The following RAD52 variants were observed in gnomAD, a reference collection of about 807,000 sequenced individuals.
RAD52 encodes DNA repair protein RAD52 homolog.
A neutral mutation model predicts 55.5 loss-of-function variants in RAD52; 47 were observed. The observed-to-expected ratio is 0.85, with a 90% confidence interval of 0.67 to 1.08. RAD52 has a LOEUF of 1.08. Ranked by LOEUF, RAD52 falls within the 50% of genes least tolerant of loss-of-function variation. The pLI, the probability that RAD52 is intolerant of heterozygous loss-of-function variation, is 0.00. For missense variants in RAD52, 468 were observed against 522.8 expected (o/e 0.90, Z 1.02); for synonymous variants, 184 against 198.9 (o/e 0.92, Z 0.63).
upstream of RAD52, chr12:949,755 G>GA (rs1958468175): frequency 2.7e-5 from 4 of 149,616 alleles, no homozygotes; most frequent in Admixed American, 1.3e-4. Context: ...CGCCGGAGGG[G>GA]GAAAAAAAAA....
In RAD52 at chr12:912,635, G is replaced by A. The variant is rs1956148813; in HGVS notation, c.*756C>T. On this transcript the variant is annotated 3_prime_UTR_variant, in exon 12 of 12. Transcript: ENST00000358495. ...CCTGTATTTTGTAAGGCAGAGGTGG[G>A]AGTATCACTTGGGCCCAAGAGGTTG... The A allele has an allele frequency of 1.2e-5, 2 of 169,460 alleles. No individual in the cohort carries two copies. The highest frequency in any genetic ancestry group is 4.9e-5 in the African/African-American group (2 of 41,002). 10.5% of individuals were successfully genotyped at this position (169,460 alleles called of 1,614,324 possible). A position where few individuals can be genotyped will look rare whatever the true frequency, so the allele number is the denominator to read the frequency against.
At chr12:920,482 A>G (rs1377263041) in intron 7 of RAD52, among the ~76,000 whole-genome samples, 3 of 151,324 alleles carry the variant, frequency 2.0e-5, no homozygotes, top group Non-Finnish European at 2.9e-5. Context: ...GTGTGAACCC[A>G]GGAGGCAGAG....
At chr12:988,227 C>T (rs942752896) in intron 1 of RAD52, among the ~76,000 whole-genome samples, 32 of 152,288 alleles carry the variant, frequency 2.1e-4, no homozygotes, top group African/African-American at 7.5e-4. Flanking sequence ...CTTTATCTTT[C>T]AATATTTTAA....
At chr12:923,946 C>T (rs1307281163) in intron 7 of RAD52, among the ~76,000 whole-genome samples, 2 of 151,432 alleles carry the variant, frequency 1.3e-5, no homozygotes, top group South Asian at 2.1e-4. Flanking sequence ...GTAGTCCCAG[C>T]GACTTGGGAG....
chr12:935,062 C>G (rs147488312), intron 1 of RAD52, among the ~76,000 whole-genome samples: 543 of 152,230 alleles, frequency 3.6e-3, no homozygotes, highest in African/African-American at 0.013. Context: ...TTGCAGTGAA[C>G]TGAGATTGTG....
upstream of RAD52, among the ~76,000 whole-genome samples, chr12:953,944 A>T (rs1403342922): frequency 2.0e-5 from 3 of 152,186 alleles, no homozygotes; most frequent in Non-Finnish European, 4.4e-5. Context: ...CTGAGTAATG[A>T]CAGCTTGCTC....
intron 1 of RAD52, among the ~76,000 whole-genome samples, chr12:946,083 T>C (rs1452962385): frequency 1.3e-5 from 2 of 152,084 alleles, no homozygotes; most frequent in African/African-American, 4.8e-5. Flanking sequence ...TGATCATTTC[T>C]CTGCACTCCC....
chr12:964,950 C>T (rs1369018310), intron 1 of RAD52, among the ~76,000 whole-genome samples: 1 of 35,428 alleles, frequency 2.8e-5, no homozygotes. Context: ...CTCATCTTTG[C>T]CTGCCCGCCT....
chr12:984,792 G>A (rs534023375), intron 1 of RAD52, among the ~76,000 whole-genome samples: 3 of 152,082 alleles, frequency 2.0e-5, no homozygotes, highest in South Asian at 4.1e-4. Flanking sequence ...AGCCTCCCAA[G>A]TAGCTAGGAC....
At chr12:986,584 C>G (rs1490339414) in intron 1 of RAD52, among the ~76,000 whole-genome samples, 1 of 151,910 alleles carries the variant, frequency 6.6e-6, no homozygotes, top group East Asian at 1.9e-4. Context: ...GGGGTGGTCT[C>G]TGACTCCTGT....
At chr12:934,919 C>T (rs1328390714) in intron 1 of RAD52, among the ~76,000 whole-genome samples, 1 of 152,032 alleles carries the variant, frequency 6.6e-6, no homozygotes, top group Admixed American at 6.6e-5. Context: ...TCGAGATCAG[C>T]CTGACCAACA....
In RAD52 at chr12:933,035, A is replaced by G; in HGVS notation, c.24T>C (p.Ile8=). The G allele has an allele frequency of 6.2e-7, 1 of 1,613,930 alleles. No individual in the cohort carries two copies. Among genetic ancestry groups the G allele is most frequent in the Non-Finnish European group, 8.5e-7 (1 of 1,180,000 alleles). The change falls in exon 2 of 12, where the codon ATT becomes ATC. Residue 8 remains isoleucine, a synonymous_variant. Transcript: ENST00000358495. MSGTEEA[I]LGGRDSHPAA... The stretch of plus-strand genomic sequence containing the variant: ...CAGGATGGCTGTCACGTCCTCCAAG[A>G]ATTGCTTCCTCAGTCCCAGACATCT...
intron 7 of RAD52, 135 bp from the exon 8 acceptor site, chr12:916,955 C>T (rs532282173): frequency 1.6e-5 from 20 of 1,220,096 alleles, no homozygotes; most frequent in Middle Eastern, 2.9e-4. Flanking sequence ...GGTCCTGTAA[C>T]TCCATGAGCA....
At chr12:981,771 T>TA (rs148282544) in intron 1 of RAD52, among the ~76,000 whole-genome samples, 1 of 139,618 alleles carries the variant, frequency 7.2e-6, no homozygotes, top group African/African-American at 2.6e-5. Flanking sequence ...AATAAATAAA[T>TA]AAATAAAATA....
intron 5 of RAD52, 109 bp downstream of exon 5, chr12:929,708 GAC>G (rs1189493190): frequency 1.9e-6 from 2 of 1,033,272 alleles, no homozygotes; most frequent in African/African-American, 3.1e-5. Flanking sequence ...CGCTGGCTGA[GAC>G]ACAACTCTGG....
At chr12:929,528 A>T in intron 5 of RAD52, 1 of 581,368 alleles carries the variant, frequency 1.7e-6, no homozygotes, top group Non-Finnish European at 3.1e-6. Flanking sequence ...AAATTATTGT[A>T]TTTTAAAATG....
In RAD52 at chr12:925,959, CG is replaced by C. The variant is rs1270620696; in HGVS notation, c.468-435del. Among the ~76,000 whole-genome samples, 13 of 152,228 alleles carry C rather than the reference CG, an allele frequency of 8.5e-5. No homozygotes were observed. In the East Asian group the frequency reaches 2.5e-3, roughly 29 times the overall value. On this transcript the variant is annotated intron_variant, in intron 6 of 11. Coordinates refer to ENST00000358495, the MANE Select transcript of RAD52 (RefSeq NM_134424.4). ...ACCAGAGTTCTTAACTTGGGATCTA[CG>C]GACTCCCCCACAGAACTCATAGGTT...
At chr12:960,033 C>G (rs1020544238) in intron 1 of RAD52, among the ~76,000 whole-genome samples, 5 of 152,136 alleles carry the variant, frequency 3.3e-5, no homozygotes, top group African/African-American at 9.7e-5. Context: ...AGGGAGGGCA[C>G]AGGCCTTATA....
chr12:912,731 A>AAAAAAC lies in RAD52; in HGVS notation c.*659_*660insGTTTTT. 1 of 148,516 alleles carries AAAAAAC rather than the reference A, an allele frequency of 6.7e-6. No individual in the cohort carries two copies. The highest frequency in any genetic ancestry group is 2.6e-5 in the African/African-American group (1 of 37,820). The allele number at this position is 148,516 out of a possible 1,614,324, so 9.2% of individuals were successfully genotyped here. A position where few individuals can be genotyped will look rare whatever the true frequency, so the allele number is the denominator to read the frequency against. ...CAGCCAGACCCCGTCTCAAAAAAAA[A>AAAAAAC]AAAAAAAAAAAAAACAAAAAACAGC... On this transcript the variant is annotated 3_prime_UTR_variant, in exon 12 of 12. Coordinates refer to ENST00000358495, the MANE Select transcript of RAD52 (RefSeq NM_134424.4).
Sources: allele counts gnomAD v4.1 joint callset (sites outside exome capture counted in the v4.1 genomes callset), GRCh38; gene constraint gnomAD v4.1.1; transcripts MANE v1.5; gene names NCBI Gene and HGNC (gene_info 2026-07-23, HGNC 2026-07-21).